CCNYL1: variants seen among roughly 807,000 people sequenced by gnomAD.
The protein encoded by CCNYL1 is cyclin Y like 1.
Under a neutral mutation model 44.2 loss-of-function variants are expected in CCNYL1, and 16 were observed. That is an observed-to-expected ratio of 0.36 (90% CI 0.25 to 0.55). The LOEUF (loss-of-function observed/expected upper bound fraction) is 0.55, where lower values mean the gene tolerates loss of function less well. Among genes scored for constraint, CCNYL1 ranks in the 20% least tolerant of loss-of-function variants. The probability of loss-of-function intolerance (pLI) is 0.85; values close to 1 mark genes in which losing one functional copy is unlikely to be tolerated. For synonymous variants in CCNYL1, 159 were observed against 163.2 expected, an observed-to-expected ratio of 0.97 and a Z score of 0.20; for missense variants, 348 against 451.8, an observed-to-expected ratio of 0.77 and a Z score of 2.08.
In CCNYL1 at chr2:207,753,786, A is replaced by G. The variant is rs2091912112; in HGVS notation, c.*88A>G. ...CCTTTCCTGCTCAAAAACCAGCAAAATTAGTGTTTTCATCAAAAGGAAAGA... is the reference window on the plus strand; with the variant it reads ...CCTTTCCTGCTCAAAAACCAGCAAAGTTAGTGTTTTCATCAAAAGGAAAGA... On this transcript the variant is annotated 3_prime_UTR_variant, in exon 10 of 10. Coordinates refer to ENST00000295414, the MANE Select transcript of CCNYL1 (RefSeq NM_001330218.2). 1.3e-6 allele frequency: 1 copy of G among 783,298 alleles called. No individual in the cohort carries two copies. Among genetic ancestry groups the G allele is most frequent in the Non-Finnish European group, 2.1e-6 (1 of 473,156 alleles). The allele number at this position is 783,298 out of a possible 1,614,324, so 48.5% of individuals were successfully genotyped here.
intron 8 of CCNYL1, among the ~76,000 whole-genome samples, chr2:207,749,985 T>C (rs1367479562): frequency 6.6e-6 from 1 of 152,218 alleles, no homozygotes; most frequent in Non-Finnish European, 1.5e-5. Flanking sequence ...TAAGATTTTC[T>C]CTAGTTTTAT....
chr2:207,747,716 T>C (rs2091864178), intron 8 of CCNYL1, among the ~76,000 whole-genome samples: 1 of 152,064 alleles, frequency 6.6e-6, no homozygotes, highest in Non-Finnish European at 1.5e-5. Flanking sequence ...TGCGCCACCA[T>C]GCCTGGCTAA....
intron 1 of CCNYL1, among the ~76,000 whole-genome samples, chr2:207,715,421 C>T (rs1283170550): frequency 8.1e-6 from 1 of 123,126 alleles, no homozygotes; most frequent in African/African-American, 3.1e-5. Flanking sequence ...TCACTCTTGC[C>T]TAGGCTGGAG....
In CCNYL1 at chr2:207,740,705, C is replaced by A; in HGVS notation, c.518C>A (p.Thr173Lys). 1 of 1,594,102 alleles carries A rather than the reference C, an allele frequency of 6.3e-7. No individual in the cohort carries two copies. The highest frequency in any genetic ancestry group is 8.6e-7 in the Non-Finnish European group (1 of 1,163,338). Residue 173 changes from threonine (T) to lysine (K), a missense_variant and splice_region_variant, in exon 6 of 10, where the codon ACA (threonine) becomes AAA (lysine). Physicochemically the swap from Thr to Lys is moderately conservative, Grantham distance 78. This residue lies in a region of CCNYL1 where 209 missense variants were observed against 247.7 expected (regional missense o/e 0.84). Coordinates refer to ENST00000295414, the MANE Select transcript of CCNYL1 (RefSeq NM_001330218.2). ...TTTGATGAGAGATCACATCCACTTA[C>A]AGTAAGTGTCACTTTTTTTGAGGTA... ...DIFDERSHPL[T>K]REKVPEEYFK... is the part of the protein sequence containing the mutation.
At chr2:207,718,233 A>G (rs770944601) in intron 1 of CCNYL1, among the ~76,000 whole-genome samples, 1 of 152,166 alleles carries the variant, frequency 6.6e-6, no homozygotes, top group East Asian at 1.9e-4. Flanking sequence ...GAAAAAGATC[A>G]GACGGTGGCT....
chr2:207,740,776 TAA>T, intron 6 of CCNYL1, 70 bp downstream of exon 6: 1 of 878,908 alleles, frequency 1.1e-6, no homozygotes. Context: ...CTGATATTTA[TAA>T]ATAGTCCTAA....
At chr2:207,737,901 C>T (rs2663886) in intron 5 of CCNYL1, among the ~76,000 whole-genome samples, 23,618 of 152,068 alleles carry the variant, frequency 0.16, 3,026 homozygotes, top group East Asian at 0.38. Flanking sequence ...TAACTCTCTT[C>T]TACAACAACG....
At chr2:207,712,654 T>G (rs914045376) in intron 1 of CCNYL1, among the ~76,000 whole-genome samples, 2 of 152,108 alleles carry the variant, frequency 1.3e-5, no homozygotes, top group African/African-American at 2.4e-5. Flanking sequence ...AAATAGAGGT[T>G]GCCATAGGAG....
At position 207,711,868 on chromosome 2, in the gene CCNYL1, G is replaced by A. The variant is rs1472764119; in HGVS notation, c.-29G>A. 1.0e-5 allele frequency: 14 copies of A among 1,347,836 alleles called. No homozygotes were observed. The highest frequency in any genetic ancestry group is 1.2e-5 in the Non-Finnish European group (13 of 1,040,824). 83.5% of individuals were successfully genotyped at this position (1,347,836 alleles called of 1,614,324 possible). A position where few individuals can be genotyped will look rare whatever the true frequency, so the allele number is the denominator to read the frequency against. On this transcript the variant is annotated 5_prime_UTR_variant, in exon 1 of 10. Transcript: ENST00000295414. ...GCGGCGGAGTAGGGGGCGAGCGAAG[G>A]CGGTGGCAGAGAGGAGCGGAGGCTT...
At chr2:207,732,629 G>A (rs769112293) in intron 3 of CCNYL1, among the ~76,000 whole-genome samples, 1 of 151,658 alleles carries the variant, frequency 6.6e-6, no homozygotes, top group Non-Finnish European at 1.5e-5. Context: ...TTAGTATTCT[G>A]TGGTTTTAAA....
At chr2:207,732,636 TAA>T (rs893564398) in intron 3 of CCNYL1, among the ~76,000 whole-genome samples, 1 of 151,264 alleles carries the variant, frequency 6.6e-6, no homozygotes, top group Non-Finnish European at 1.5e-5. Context: ...TCTGTGGTTT[TAA>T]AAAAAAATGC....
intron 5 of CCNYL1, among the ~76,000 whole-genome samples, chr2:207,740,278 C>CATTAAAGTTCTAAAGTTTAATGACTAA (rs2091797955): frequency 6.6e-6 from 1 of 152,210 alleles, no homozygotes; most frequent in African/African-American, 2.4e-5. Flanking sequence ...ATTTCATTCA[C>CATTAAAGTTCTAAAGTTTAATGACTAA]AGTCATTAAA....
At chr2:207,750,820 A>G (rs1047938158) in intron 8 of CCNYL1, 137 bp from the exon 9 acceptor site, 2 of 678,404 alleles carry the variant, frequency 2.9e-6, no homozygotes, top group South Asian at 2.2e-5. Context: ...GAACATTAGT[A>G]TGTTAATACA....
chr2:207,732,820 C>A (rs2091738332), intron 3 of CCNYL1, among the ~76,000 whole-genome samples: 2 of 152,148 alleles, frequency 1.3e-5, no homozygotes, highest in Non-Finnish European at 2.9e-5. Flanking sequence ...TAGTCACCTC[C>A]TTGATACAAA....
chr2:207,711,911 G>T lies in CCNYL1; in HGVS notation c.15G>T (p.Leu5=). Residue 5 remains leucine (L), a synonymous_variant, in exon 1 of 10, where the codon CTG becomes CTT. Transcript: ENST00000295414. ...GGAGGCTTCCCATGGGGAACACGCTGACCTGTTGCGTGTCCCCCAATGCCA... is the reference window on the plus strand; with the variant it reads ...GGAGGCTTCCCATGGGGAACACGCTTACCTGTTGCGTGTCCCCCAATGCCA... MGNT[L]TCCVSPNASP... is the part of the protein sequence containing the mutation. 2 of 1,397,836 alleles carry T rather than the reference G, an allele frequency of 1.4e-6. No homozygotes were observed. The highest frequency in any genetic ancestry group is 3.0e-5 in the East Asian group (1 of 32,812). 86.6% of individuals were successfully genotyped at this position (1,397,836 alleles called of 1,614,324 possible).
In CCNYL1 at chr2:207,740,689, A is replaced by C; in HGVS notation, c.502A>C (p.Arg168=). The C allele has an allele frequency of 6.2e-7, 1 of 1,603,480 alleles. No homozygotes were observed. The highest frequency in any genetic ancestry group is 8.5e-7 in the Non-Finnish European group (1 of 1,170,940). The change falls in exon 6 of 10, where the codon AGA becomes CGA. Residue 168 remains arginine, a synonymous_variant. Transcript: ENST00000295414. ...ANRSLDIFDE[R]SHPLTREKVP... is the part of the protein sequence containing the mutation. The stretch of plus-strand genomic sequence containing the variant: ...TAGATCCCTGGATATTTTTGATGAG[A>C]GATCACATCCACTTACAGTAAGTGT...
At chr2:207,728,055 C>G (rs767807578) in intron 3 of CCNYL1, among the ~76,000 whole-genome samples, 2 of 151,832 alleles carry the variant, frequency 1.3e-5, no homozygotes, top group South Asian at 2.1e-4. Flanking sequence ...CCTCTGCCTC[C>G]CGGGTTCAAG....
chr2:207,750,162 A>G (rs912391942), intron 8 of CCNYL1, among the ~76,000 whole-genome samples: 1 of 152,122 alleles, frequency 6.6e-6, no homozygotes, highest in Non-Finnish European at 1.5e-5. Context: ...CAGAAGAAAC[A>G]CTGAGTTTTT....
chr2:207,731,838 C>A (rs1402040530), intron 3 of CCNYL1, among the ~76,000 whole-genome samples: 2 of 125,624 alleles, frequency 1.6e-5, no homozygotes, highest in Non-Finnish European at 3.2e-5. Flanking sequence ...GAGACCAAGT[C>A]TCGCTCTGTC....
Sources: allele counts gnomAD v4.1 joint callset (sites outside exome capture counted in the v4.1 genomes callset), GRCh38; gene constraint gnomAD v4.1.1; regional missense constraint gnomAD v4.1.1; transcripts MANE v1.5; gene names NCBI Gene and HGNC (gene_info 2026-07-23, HGNC 2026-07-21).